The following MSRA variants were observed in gnomAD, a reference collection of about 807,000 sequenced individuals.
MSRA encodes the protein methionine sulfoxide reductase A.
A neutral mutation model predicts 31.3 loss-of-function variants in MSRA; 54 were observed. The ratio of observed to expected loss-of-function variants is 1.73; its 90% CI spans 1.39 to 2.17. The LOEUF is 2.17. Ranked by LOEUF, MSRA falls within the 30% of genes most tolerant of loss-of-function variation. The pLI is 0.00. For synonymous variants in MSRA, 169 were observed against 116.5 expected (o/e 1.45, Z -2.90); for missense variants, 507 against 300.9 (o/e 1.69, Z -5.07).
chr8:10,100,343 G>T (rs866822504), intron 1 of MSRA, among the ~76,000 whole-genome samples: 5 of 152,284 alleles, frequency 3.3e-5, no homozygotes, highest in African/African-American at 1.2e-4. Context: ...CTGGAATTTA[G>T]CCTCAGCTTT....
rs925357828 is a variant in MSRA at position 10,097,096 on chromosome 8, GATTA to G, written c.142+42442_142+42445del. Among the ~76,000 whole-genome samples, 9 of 152,148 alleles carry G rather than the reference GATTA, an allele frequency of 5.9e-5. No individual in the cohort carries two copies. The South Asian group carries it at 8.3e-4, about 14-fold the overall frequency. ...CTTTCCATTATTGCGCGCCTTAAAT[GATTA>G]ATTGTTTCACATGTTTTTTATAAAA... is the stretch of plus-strand genomic sequence containing the variant. On this transcript the variant is annotated intron_variant, in intron 1 of 5. Coordinates refer to ENST00000317173, the MANE Select transcript of MSRA (RefSeq NM_012331.5).
chr8:10,068,869 G>A (rs937081148), intron 1 of MSRA, among the ~76,000 whole-genome samples: 2 of 152,196 alleles, frequency 1.3e-5, no homozygotes, highest in African/African-American at 4.8e-5. Context: ...TCCAGATCAA[G>A]TTGGGAAGAA....
chr8:10,206,915 C>T (rs549026677), intron 1 of MSRA, among the ~76,000 whole-genome samples: 1 of 152,214 alleles, frequency 6.6e-6, no homozygotes, highest in African/African-American at 2.4e-5. Flanking sequence ...CCCCTCCAAG[C>T]GTGGCTTCAG....
intron 2 of MSRA, among the ~76,000 whole-genome samples, chr8:10,225,878 A>G (rs1186362474): frequency 1.3e-5 from 2 of 152,154 alleles, no homozygotes; most frequent in Admixed American, 6.5e-5. Flanking sequence ...AGGGAGGAAA[A>G]TGGTTGGGAG....
At chr8:10,378,765 T>TG (rs1358251322) in intron 5 of MSRA, among the ~76,000 whole-genome samples, 1 of 152,236 alleles carries the variant, frequency 6.6e-6, no homozygotes, top group Non-Finnish European at 1.5e-5. Context: ...TCAGATACCC[T>TG]GGGGGTGAGG....
intron 3 of MSRA, among the ~76,000 whole-genome samples, chr8:10,300,703 C>CA (rs1440170803): frequency 1.3e-5 from 2 of 152,156 alleles, no homozygotes; most frequent in African/African-American, 2.4e-5. Flanking sequence ...CTTTACTACA[C>CA]ATAAGGTGAC....
chr8:10,259,896 A>C (rs140731689), intron 3 of MSRA, among the ~76,000 whole-genome samples: 1,554 of 152,222 alleles, frequency 0.01, 16 homozygotes, highest in South Asian at 0.046. Flanking sequence ...TGCCCGCCTC[A>C]CCCCCTCTGT....
intron 2 of MSRA, among the ~76,000 whole-genome samples, chr8:10,225,114 G>C (rs1272138049): frequency 6.6e-6 from 1 of 152,186 alleles, no homozygotes; most frequent in East Asian, 1.9e-4. Flanking sequence ...TCCAACCTGG[G>C]TGACGGAGTG....
At chr8:10,395,878 C>G (rs1001713505) in intron 5 of MSRA, among the ~76,000 whole-genome samples, 13 of 152,156 alleles carry the variant, frequency 8.5e-5, no homozygotes, top group African/African-American at 2.4e-4. Flanking sequence ...ACACATCCCC[C>G]TTCTGTACAA....
intron 4 of MSRA, among the ~76,000 whole-genome samples, chr8:10,301,889 G>A (rs907893969): frequency 2.6e-5 from 4 of 152,124 alleles, no homozygotes; most frequent in African/African-American, 9.7e-5. Context: ...AGAGGAAGAC[G>A]CCAGACAATA....
At chr8:10,313,629 C>A (rs1216811080) in intron 4 of MSRA, among the ~76,000 whole-genome samples, 1 of 152,082 alleles carries the variant, frequency 6.6e-6, no homozygotes, top group African/African-American at 2.4e-5. Context: ...AATGAGATCC[C>A]AACAGTTTTG....
In MSRA at chr8:10,408,532, C is replaced by T. The variant is rs927413446; in HGVS notation, c.544-19616C>T. Among the ~76,000 whole-genome samples, 76 of 152,102 alleles carry T rather than the reference C, an allele frequency of 5.0e-4. 1 individual carries two copies. Among genetic ancestry groups the T allele is most frequent in the African/African-American group, 1.7e-3 (72 of 41,486 alleles). On this transcript the variant is annotated intron_variant, in intron 5 of 5. Coordinates refer to ENST00000317173, the MANE Select transcript of MSRA (RefSeq NM_012331.5). ...TCCAGCCTGGGCAACAGAGCAACAC[C>T]GTATTTCTAAATAAATAAGTAATAG...
chr8:10,146,405 C>G (rs868356802), intron 1 of MSRA, among the ~76,000 whole-genome samples: 1 of 152,252 alleles, frequency 6.6e-6, no homozygotes, highest in Middle Eastern at 3.4e-3. Flanking sequence ...TCTCGTCTGG[C>G]CAGAGGTTCT....
intron 2 of MSRA, among the ~76,000 whole-genome samples, chr8:10,234,485 C>G (rs1000138719): frequency 6.6e-6 from 1 of 151,190 alleles, no homozygotes; most frequent in African/African-American, 2.4e-5. Context: ...CCAAATTGGC[C>G]AAGGGTCAAA....
intron 3 of MSRA, among the ~76,000 whole-genome samples, chr8:10,274,611 G>C (rs754382631): frequency 2.0e-5 from 3 of 152,050 alleles, no homozygotes; most frequent in African/African-American, 7.2e-5. Context: ...TATATATAGA[G>C]GTCAGCCTAC....
At chr8:10,245,267 A>G in intron 3 of MSRA, 44 bp downstream of exon 3, 1 of 1,586,140 alleles carries the variant, frequency 6.3e-7, no homozygotes, top group East Asian at 2.2e-5. Context: ...GAAACAAGGG[A>G]GGGCTTGTCA....
chr8:10,140,446 G>T (rs144997474), intron 1 of MSRA, among the ~76,000 whole-genome samples: 32 of 152,188 alleles, frequency 2.1e-4, no homozygotes, highest in Non-Finnish European at 4.0e-4. Flanking sequence ...TTTTTGATTG[G>T]TTTTCACATT....
At chr8:10,086,520 C>G (rs368188411) in intron 1 of MSRA, among the ~76,000 whole-genome samples, 1 of 152,168 alleles carries the variant, frequency 6.6e-6, no homozygotes, top group African/African-American at 2.4e-5. Context: ...ATATATGAAT[C>G]TGATGGTCTG....
intron 1 of MSRA, among the ~76,000 whole-genome samples, chr8:10,104,334 G>T (rs1366620395): frequency 6.6e-6 from 1 of 152,198 alleles, no homozygotes; most frequent in Non-Finnish European, 1.5e-5. Flanking sequence ...TTTTGCCAAG[G>T]TTAAGGATGC....
Sources: gnomAD v4.1 joint callset for allele counts (sites outside exome capture counted in the v4.1 genomes callset) on GRCh38, gnomAD v4.1.1 for gene constraint, MANE v1.5 for transcripts, NCBI Gene and HGNC (gene_info 2026-07-23, HGNC 2026-07-21) for gene names.